DGKB: variants seen among roughly 807,000 people sequenced by gnomAD.
DGKB encodes the protein diacylglycerol kinase beta.
In DGKB, 67 loss-of-function variants were observed where a neutral mutation model predicts 114.3. The observed-to-expected ratio is 0.59, with a 90% confidence interval of 0.48 to 0.72. The LOEUF (loss-of-function observed/expected upper bound fraction) is 0.72. Ranked by LOEUF, DGKB falls within the 30% of genes least tolerant of loss-of-function variation. DGKB has a pLI of 0.00. For missense variants in DGKB, 907 were observed against 975.2 expected, an observed-to-expected ratio of 0.93 and a Z score of 0.93; for synonymous variants, 398 against 323.1, an observed-to-expected ratio of 1.23 and a Z score of -2.49.
At chr7:14,890,807 C>A (rs76458115) in intron 1 of DGKB, among the ~76,000 whole-genome samples, 1 of 150,842 alleles carries the variant, frequency 6.6e-6, no homozygotes, top group Non-Finnish European at 1.5e-5. Context: ...TAACGTTCAT[C>A]CCTCCTCTTT....
intron 21 of DGKB, among the ~76,000 whole-genome samples, chr7:14,365,705 T>A (rs989284446): frequency 5.3e-5 from 8 of 152,076 alleles, no homozygotes; most frequent in African/African-American, 1.7e-4. Flanking sequence ...GCCTCATTAT[T>A]CTCTACTTGT....
intron 17 of DGKB, among the ~76,000 whole-genome samples, chr7:14,584,314 C>T (rs1032207837): frequency 2.0e-5 from 3 of 152,090 alleles, no homozygotes; most frequent in Non-Finnish European, 2.9e-5. Context: ...TTGTATTTAA[C>T]ATTAGTTGAA....
intron 21 of DGKB, among the ~76,000 whole-genome samples, chr7:14,454,606 T>C (rs896328147): frequency 1.3e-5 from 2 of 152,118 alleles, no homozygotes; most frequent in African/African-American, 4.8e-5. Context: ...ATATGATTGC[T>C]ATCAGATGCA....
chr7:14,272,371 T>G (rs554276132), intron 23 of DGKB, among the ~76,000 whole-genome samples: 2 of 152,256 alleles, frequency 1.3e-5, no homozygotes, highest in South Asian at 4.1e-4. Flanking sequence ...TAGCAATACA[T>G]ATACGTAAAA....
chr7:14,178,566 C>T (rs929402812), intron 23 of DGKB, among the ~76,000 whole-genome samples: 4 of 152,104 alleles, frequency 2.6e-5, no homozygotes, highest in African/African-American at 7.2e-5. Context: ...TGCTGTCAAA[C>T]ATGATTTTGT....
chr7:14,625,407 A>T (rs1175925997), intron 14 of DGKB, among the ~76,000 whole-genome samples: 1 of 152,162 alleles, frequency 6.6e-6, no homozygotes, highest in African/African-American at 2.4e-5. Context: ...TCCTCAAAAA[A>T]TTTCCTGTCC....
At chr7:14,866,930 G>A (rs1851786223) in intron 1 of DGKB, among the ~76,000 whole-genome samples, 2 of 152,154 alleles carry the variant, frequency 1.3e-5, no homozygotes, top group African/African-American at 4.8e-5. Context: ...ATTTTAATAA[G>A]TGTGTAGTAA....
At chr7:14,434,226 C>T (rs917459052) in intron 21 of DGKB, among the ~76,000 whole-genome samples, 1 of 152,108 alleles carries the variant, frequency 6.6e-6, no homozygotes, top group Non-Finnish European at 1.5e-5. Context: ...ACCTATTAAA[C>T]CCTTTGTGTT....
intron 21 of DGKB, among the ~76,000 whole-genome samples, chr7:14,385,806 T>G (rs1455463187): frequency 1.3e-5 from 2 of 152,234 alleles, no homozygotes; most frequent in African/African-American, 4.8e-5. Flanking sequence ...GTAGGTCTAC[T>G]AACTACCATA....
At chr7:14,566,206 G>C (rs1048544564) in intron 20 of DGKB, among the ~76,000 whole-genome samples, 1 of 151,946 alleles carries the variant, frequency 6.6e-6, no homozygotes, top group African/African-American at 2.4e-5. Context: ...TATATGTAAG[G>C]GTAATAATTA....
chr7:14,241,955 T>TATAG (rs1793734056), intron 23 of DGKB, among the ~76,000 whole-genome samples: 4 of 75,242 alleles, frequency 5.3e-5, no homozygotes, highest in Non-Finnish European at 9.9e-5. Context: ...CACACACACA[T>TATAG]ATACACACAC....
chr7:14,891,344 G>C (rs1446153906), intron 1 of DGKB, among the ~76,000 whole-genome samples: 1 of 151,296 alleles, frequency 6.6e-6, no homozygotes, highest in Non-Finnish European at 1.5e-5. Context: ...ATCAAGAAAG[G>C]GGCATTATCA....
chr7:14,973,002 A>G (rs1787565221), intron 1 of DGKB, among the ~76,000 whole-genome samples: 1 of 152,008 alleles, frequency 6.6e-6, no homozygotes, highest in African/African-American at 2.4e-5. Flanking sequence ...GGTTAGATGG[A>G]TGGTTTGGAA....
chr7:14,842,232 C>T (rs145093064), intron 1 of DGKB, among the ~76,000 whole-genome samples: 481 of 152,298 alleles, frequency 3.2e-3, no homozygotes, highest in African/African-American at 0.01. Flanking sequence ...TTTATTTATA[C>T]AGATGTCATT....
At position 14,150,210 on chromosome 7, in the gene DGKB, A is replaced by G. The variant is rs148225862; in HGVS notation, c.2305-972T>C. Among the ~76,000 whole-genome samples, 629 of 152,268 alleles carry G rather than the reference A, an allele frequency of 4.1e-3. 5 individuals are homozygous for G. Among genetic ancestry groups the G allele is most frequent in the African/African-American group, 0.014 (596 of 41,582 alleles). On this transcript the variant is annotated intron_variant, in intron 25 of 25. Transcript: ENST00000402815. ...TCTTTAGCGAACTGCGACTAATACA[A>G]GAACCATCGCTTATTAAATATCAGT...
chr7:14,533,786 C>CA (rs1383710323), intron 20 of DGKB, among the ~76,000 whole-genome samples: 1 of 151,732 alleles, frequency 6.6e-6, no homozygotes, highest in East Asian at 1.9e-4. Context: ...GTACTGAAAG[C>CA]AAAAAATTGT....
At chr7:14,451,411 T>C (rs1831459700) in intron 21 of DGKB, among the ~76,000 whole-genome samples, 1 of 152,072 alleles carries the variant, frequency 6.6e-6, no homozygotes, top group Non-Finnish European at 1.5e-5. Flanking sequence ...CTGTCCTACT[T>C]CTCAGGCTAT....
chr7:14,186,845 C>T (rs1783515505), intron 23 of DGKB, among the ~76,000 whole-genome samples: 1 of 152,028 alleles, frequency 6.6e-6, no homozygotes. Flanking sequence ...AAGGATGATA[C>T]AGTAGACTTT....
rs549303383 is a variant in DGKB, at chr7:14,395,169, G to T, written c.1836-49778C>A. ...GACTAATTTGATTTAAAGAGTAAATGCTATTAATTATGAAAGACAGTCAAT... is the reference window on the plus strand; with the variant it reads ...GACTAATTTGATTTAAAGAGTAAATTCTATTAATTATGAAAGACAGTCAAT... On this transcript the variant is annotated intron_variant, in intron 21 of 25. Transcript: ENST00000402815. Among the ~76,000 whole-genome samples, 4 of 152,180 alleles carry T rather than the reference G, an allele frequency of 2.6e-5. No individual in the cohort carries two copies. The East Asian group carries it at 5.8e-4, about 22-fold the overall frequency.
Sources: allele counts gnomAD v4.1 joint callset (sites outside exome capture counted in the v4.1 genomes callset), GRCh38; gene constraint gnomAD v4.1.1; transcripts MANE v1.5; gene names NCBI Gene and HGNC (gene_info 2026-07-23, HGNC 2026-07-21).